OSTN: variants seen among roughly 807,000 people sequenced by gnomAD.
OSTN encodes the protein osteocrin.
A neutral mutation model predicts 12.0 loss-of-function variants in OSTN; 9 were observed. The ratio of observed to expected loss-of-function variants is 0.75; its 90% CI spans 0.45 to 1.30. OSTN has a LOEUF of 1.30. Ranked by LOEUF, OSTN falls within the 50% of genes most tolerant of loss-of-function variation. OSTN has a pLI of 0.00. For missense variants in OSTN, 148 were observed against 152.3 expected, an observed-to-expected ratio of 0.97 and a Z score of 0.15; for synonymous variants, 59 against 56.9, an observed-to-expected ratio of 1.04 and a Z score of -0.16.
At chr3:191,256,568 A>G (rs1715675113) in intron 4 of OSTN, among the ~76,000 whole-genome samples, 1 of 151,838 alleles carries the variant, frequency 6.6e-6, no homozygotes, top group South Asian at 2.1e-4. Context: ...TTAAACAATC[A>G]TAAGGTCTAA....
intron 2 of OSTN, among the ~76,000 whole-genome samples, chr3:191,214,437 A>AG (rs1714550782): frequency 1.2e-5 from 1 of 81,234 alleles, no homozygotes; most frequent in African/African-American, 8.3e-5. Flanking sequence ...ACTCCATCTC[A>AG]AAAAAAAAAA....
At position 191,250,026 on chromosome 3, in the gene OSTN, G is replaced by T; in HGVS notation, c.318-11G>T. 1.9e-6 allele frequency: 3 copies of T among 1,605,124 alleles called. No homozygotes were observed. The highest frequency in any genetic ancestry group is 2.6e-6 in the Non-Finnish European group (3 of 1,171,998). On this transcript the variant is annotated splice_polypyrimidine_tract_variant and intron_variant, in intron 3 of 4. Transcript: ENST00000682035. ...CTTTAGTTTAAAAATGTCCTCCTTG[G>T]TTTGTTTCAGGAAAGTAGTAGATCA...
At chr3:191,246,406 G>A (rs913983765) in intron 3 of OSTN, among the ~76,000 whole-genome samples, 1 of 151,996 alleles carries the variant, frequency 6.6e-6, no homozygotes, top group Non-Finnish European at 1.5e-5. Context: ...AGGAGTTTGA[G>A]ACCAGCCTGG....
chr3:191,257,955 T>A (rs930253639), intron 4 of OSTN, among the ~76,000 whole-genome samples: 2 of 152,228 alleles, frequency 1.3e-5, no homozygotes, highest in Non-Finnish European at 2.9e-5. Context: ...CATACACATC[T>A]GCACATGAAG....
chr3:191,239,535 A>G (rs914426787), intron 3 of OSTN, among the ~76,000 whole-genome samples: 8 of 152,204 alleles, frequency 5.3e-5, no homozygotes, highest in Non-Finnish European at 8.8e-5. Context: ...ATGCCTGTCC[A>G]TGTGGCTAAT....
intron 1 of OSTN, among the ~76,000 whole-genome samples, chr3:191,205,751 TTCTC>T (rs1283231167): frequency 1.3e-5 from 2 of 152,158 alleles, no homozygotes; most frequent in Non-Finnish European, 2.9e-5. Flanking sequence ...AAGTCTTTCT[TTCTC>T]TCAGCTTAAA....
Position 191,263,219 on chromosome 3 carries a change from G to A in OSTN, c.*366G>A, listed in dbSNP as rs1401966300. 1 of 204,842 alleles carries A rather than the reference G, an allele frequency of 4.9e-6. No homozygotes were observed. Among genetic ancestry groups the A allele is most frequent in the East Asian group, 1.1e-4 (1 of 9,228 alleles). The allele number at this position is 204,842 out of a possible 1,614,324, so 12.7% of individuals were successfully genotyped here. The stretch of plus-strand genomic sequence containing the variant: ...AAGAATAATAACAAAAGACAGATTT[G>A]CTTCTGTAAAATTTAGTTATAATCT... On this transcript the variant is annotated 3_prime_UTR_variant, in exon 5 of 5. Coordinates refer to ENST00000682035, the MANE Select transcript of OSTN (RefSeq NM_198184.2).
chr3:191,220,374 G>GT (rs1714731897), intron 3 of OSTN, among the ~76,000 whole-genome samples: 1 of 152,136 alleles, frequency 6.6e-6, no homozygotes, highest in African/African-American at 2.4e-5. Flanking sequence ...GTTCCACTAT[G>GT]TTCTGGGTAC....
chr3:191,258,681 C>A (rs1015160010), intron 4 of OSTN, among the ~76,000 whole-genome samples: 2 of 151,424 alleles, frequency 1.3e-5, no homozygotes, highest in African/African-American at 4.8e-5. Context: ...AAAATCAAGG[C>A]TTTCACTGAA....
chr3:191,248,784 A>G (rs1041936439), intron 3 of OSTN, among the ~76,000 whole-genome samples: 3 of 152,156 alleles, frequency 2.0e-5, no homozygotes, highest in Admixed American at 2.0e-4. Context: ...CCATTTCTGC[A>G]AAGAATTCAA....
chr3:191,256,424 G>GT (rs1201905798), intron 4 of OSTN, among the ~76,000 whole-genome samples: 2 of 152,086 alleles, frequency 1.3e-5, no homozygotes, highest in Non-Finnish European at 2.9e-5. Flanking sequence ...ATTTTGGAAA[G>GT]TTTATCAAAC....
At chr3:191,205,883 AAG>A (rs538021987) in intron 1 of OSTN, among the ~76,000 whole-genome samples, 174 of 152,260 alleles carry the variant, frequency 1.1e-3, no homozygotes, top group Admixed American at 3.3e-3. Flanking sequence ...AAAGAGAAGT[AAG>A]AAAAAAATCC....
intron 3 of OSTN, among the ~76,000 whole-genome samples, chr3:191,230,479 G>A (rs907688979): frequency 1.3e-5 from 2 of 148,880 alleles, no homozygotes; most frequent in Non-Finnish European, 3.0e-5. Context: ...CAGGGAAATC[G>A]CTTGAACGTG....
chr3:191,214,504 G>C (rs1714555501), intron 2 of OSTN, among the ~76,000 whole-genome samples: 2 of 147,552 alleles, frequency 1.4e-5, no homozygotes, highest in Non-Finnish European at 3.0e-5. Context: ...AAAAATAGCA[G>C]CCAGAAGAGA....
chr3:191,244,765 G>T (rs1454389745), intron 3 of OSTN, among the ~76,000 whole-genome samples: 5 of 150,306 alleles, frequency 3.3e-5, no homozygotes, highest in African/African-American at 7.3e-5. Flanking sequence ...TTTTTATTTT[G>T]TATTAGTACT....
intron 4 of OSTN, among the ~76,000 whole-genome samples, chr3:191,261,987 CGGGT>C (rs1452607881): frequency 1.3e-5 from 2 of 152,090 alleles, no homozygotes; most frequent in Admixed American, 6.5e-5. Flanking sequence ...GAGACCGAGG[CGGGT>C]GGATCACCTG....
At chr3:191,244,017 G>A (rs1715376901) in intron 3 of OSTN, among the ~76,000 whole-genome samples, 1 of 152,040 alleles carries the variant, frequency 6.6e-6, no homozygotes, top group African/African-American at 2.4e-5. Context: ...TTGGGAGAAG[G>A]AATACCAGAA....
intron 4 of OSTN, among the ~76,000 whole-genome samples, chr3:191,261,758 C>A (rs1715815170): frequency 6.6e-6 from 1 of 152,168 alleles, no homozygotes; most frequent in African/African-American, 2.4e-5. Context: ...TTTCTGAAAT[C>A]ATTAATATAT....
intron 1 of OSTN, among the ~76,000 whole-genome samples, chr3:191,202,240 A>G (rs930565512): frequency 2.1e-4 from 32 of 152,214 alleles, no homozygotes; most frequent in Non-Finnish European, 5.9e-5. Flanking sequence ...TAATTTCAAG[A>G]TAGTAAAACA....
Sources: allele counts gnomAD v4.1 joint callset (sites outside exome capture counted in the v4.1 genomes callset), GRCh38; gene constraint gnomAD v4.1.1; transcripts MANE v1.5; gene names NCBI Gene and HGNC (gene_info 2026-07-23, HGNC 2026-07-21).